ZNF385D: variants seen among roughly 807,000 people sequenced by gnomAD.
ZNF385D encodes the protein zinc finger protein 385D, also known as zinc finger protein 659.
Under a neutral mutation model 35.8 loss-of-function variants are expected in ZNF385D, and 15 were observed. The observed-to-expected ratio is 0.42, with a 90% CI of 0.28 to 0.64. The LOEUF is 0.64. Among genes scored for constraint, ZNF385D ranks in the 30% least tolerant of loss-of-function variants. The pLI is 0.23. For missense variants in ZNF385D, 474 were observed against 494.6 expected, an observed-to-expected ratio of 0.96 and a Z score of 0.39; for synonymous variants, 212 against 186.8, an observed-to-expected ratio of 1.13 and a Z score of -1.10.
At chr3:21,955,353 G>A (rs888789345) in intron 3 of ZNF385D, among the ~76,000 whole-genome samples, 2 of 152,022 alleles carry the variant, frequency 1.3e-5, no homozygotes, top group Non-Finnish European at 2.9e-5. Flanking sequence ...AAGCTACATG[G>A]AAAATGCAGG....
chr3:21,791,387 C>T (rs1433726909), intron 3 of ZNF385D, among the ~76,000 whole-genome samples: 11 of 152,128 alleles, frequency 7.2e-5, no homozygotes, highest in Admixed American at 5.9e-4. Flanking sequence ...AAATGAAAAA[C>T]ATTTAACTAT....
intron 3 of ZNF385D, among the ~76,000 whole-genome samples, chr3:22,086,225 A>G (rs1202792176): frequency 2.6e-5 from 4 of 152,218 alleles, no homozygotes; most frequent in African/African-American, 9.6e-5. Flanking sequence ...AGAGAAAGAA[A>G]TAAAGGGTAT....
chr3:21,967,393 G>A (rs1702972762), intron 3 of ZNF385D, among the ~76,000 whole-genome samples: 1 of 152,122 alleles, frequency 6.6e-6, no homozygotes, highest in Non-Finnish European at 1.5e-5. Flanking sequence ...ATTCAAGCGT[G>A]GAACTTCTAC....
intron 3 of ZNF385D, among the ~76,000 whole-genome samples, chr3:21,816,673 T>C (rs188551085): frequency 2.0e-5 from 3 of 151,910 alleles, no homozygotes; most frequent in Non-Finnish European, 1.5e-5. Context: ...CACTGCTCAA[T>C]GAAATAAAAG....
chr3:22,140,433 T>G (rs1704436019), intron 3 of ZNF385D, among the ~76,000 whole-genome samples: 1 of 152,228 alleles, frequency 6.6e-6, no homozygotes, highest in African/African-American at 2.4e-5. Flanking sequence ...AGATTAGTGT[T>G]ATGAAGATGT....
chr3:21,868,913 A>C (rs1162760615), intron 3 of ZNF385D, among the ~76,000 whole-genome samples: 1 of 152,000 alleles, frequency 6.6e-6, no homozygotes, highest in Non-Finnish European at 1.5e-5. Flanking sequence ...ATTAGACCCT[A>C]TTTTCAGAGG....
chr3:21,496,473 T>TC (rs201044674), intron 4 of ZNF385D, among the ~76,000 whole-genome samples: 1,425 of 96,910 alleles, frequency 0.015, 29 homozygotes, highest in African/African-American at 0.059. Flanking sequence ...ATCATATATA[T>TC]ACATATATAC....
intron 2 of ZNF385D, among the ~76,000 whole-genome samples, chr3:22,223,459 C>G (rs1364746944): frequency 2.0e-5 from 3 of 151,996 alleles, no homozygotes; most frequent in African/African-American, 7.2e-5. Flanking sequence ...GGATTGAACA[C>G]TATTTTTTCT....
intron 2 of ZNF385D, among the ~76,000 whole-genome samples, chr3:22,273,457 T>C (rs1444275104): frequency 1.3e-5 from 2 of 152,006 alleles, no homozygotes; most frequent in Non-Finnish European, 2.9e-5. Flanking sequence ...TGGGTGGTTC[T>C]ACTGGTATCG....
At chr3:22,219,136 C>T (rs1698082861) in intron 2 of ZNF385D, among the ~76,000 whole-genome samples, 1 of 152,096 alleles carries the variant, frequency 6.6e-6, no homozygotes, top group Non-Finnish European at 1.5e-5. Context: ...TGGGCTGAGA[C>T]AGATTTATAT....
intron 3 of ZNF385D, among the ~76,000 whole-genome samples, chr3:21,790,684 A>G (rs566608027): frequency 6.6e-6 from 1 of 152,186 alleles, no homozygotes; most frequent in East Asian, 1.9e-4. Context: ...TTTCTCAAGG[A>G]AAATCATTTC....
chr3:21,509,047 G>A (rs1042861311), intron 4 of ZNF385D, among the ~76,000 whole-genome samples: 10 of 149,256 alleles, frequency 6.7e-5, no homozygotes, highest in Non-Finnish European at 8.9e-5. Context: ...GCACAATCTC[G>A]GCTCACAGCA....
chr3:22,087,861 G>C (rs996752432), intron 3 of ZNF385D, among the ~76,000 whole-genome samples: 1 of 152,144 alleles, frequency 6.6e-6, no homozygotes, highest in South Asian at 2.1e-4. Flanking sequence ...CCAAAAGCCT[G>C]TATTAAAGGG....
At chr3:21,616,840 G>A (rs887268124) in intron 2 of ZNF385D, among the ~76,000 whole-genome samples, 1 of 152,064 alleles carries the variant, frequency 6.6e-6, no homozygotes, top group African/African-American at 2.4e-5. Flanking sequence ...TTTGAAGCTG[G>A]GACTTCAGTG....
At chr3:22,188,281 G>A (rs149303137) in intron 2 of ZNF385D, among the ~76,000 whole-genome samples, 6 of 152,080 alleles carry the variant, frequency 3.9e-5, no homozygotes, top group African/African-American at 4.8e-5. Flanking sequence ...AGAGAGACTC[G>A]GAGTGGAGAG....
upstream of ZNF385D, among the ~76,000 whole-genome samples, chr3:21,755,480 A>C (rs761422141): frequency 3.3e-5 from 5 of 152,196 alleles, no homozygotes; most frequent in Non-Finnish European, 5.9e-5. Flanking sequence ...TGAAGACTAC[A>C]TTCCCTTTCA....
intron 3 of ZNF385D, among the ~76,000 whole-genome samples, chr3:21,773,262 A>G (rs1366392258): frequency 6.8e-6 from 1 of 147,028 alleles, no homozygotes; most frequent in East Asian, 1.9e-4. Flanking sequence ...AAAATAAAAG[A>G]TATTTACCAT....
chr3:21,637,317 G>A (rs982026836), intron 2 of ZNF385D, among the ~76,000 whole-genome samples: 1 of 152,058 alleles, frequency 6.6e-6, no homozygotes, highest in Non-Finnish European at 1.5e-5. Context: ...TCTCCTACAG[G>A]TGGTTTGCCA....
intron 3 of ZNF385D, among the ~76,000 whole-genome samples, chr3:21,816,160 G>A (rs2125719540): frequency 6.6e-6 from 1 of 152,190 alleles, no homozygotes; most frequent in East Asian, 1.9e-4. Context: ...CAATAAACTA[G>A]GTATTGATGG....
Sources: gnomAD v4.1 joint callset for allele counts (sites outside exome capture counted in the v4.1 genomes callset) on GRCh38, gnomAD v4.1.1 for gene constraint, MANE v1.5 for transcripts, NCBI Gene and HGNC (gene_info 2026-07-23, HGNC 2026-07-21) for gene names.